Variants in GRM3 observed in about 807,000 individuals in gnomAD.
GRM3 encodes metabotropic glutamate receptor 3.
In GRM3, 26 loss-of-function variants were observed where a neutral mutation model predicts 70.5. That is an observed-to-expected ratio of 0.37 (90% CI 0.27 to 0.51). The LOEUF (loss-of-function observed/expected upper bound fraction) is 0.51. Among genes scored for constraint, GRM3 ranks in the 20% least tolerant of loss-of-function variants. The pLI is 0.93. For synonymous variants in GRM3, 443 were observed against 434.9 expected (o/e 1.02, Z -0.23); for missense variants, 859 against 1,123.8 (o/e 0.76, Z 3.37).
At chr7:86,645,980 T>TGGGTGGG (rs1562811178) in intron 1 of GRM3, among the ~76,000 whole-genome samples, 2 of 50,178 alleles carry the variant, frequency 4.0e-5, no homozygotes, top group African/African-American at 1.9e-4. Context: ...TTCTTTGTGG[T>TGGGTGGG]GGGCGGGGGG....
intron 1 of GRM3, among the ~76,000 whole-genome samples, chr7:86,707,653 G>C (rs1048309816): frequency 3.3e-5 from 5 of 152,088 alleles, no homozygotes; most frequent in Admixed American, 1.3e-4. Flanking sequence ...CCTGGCAGAT[G>C]CATGTGCTAT....
At chr7:86,801,114 C>G (rs1346336532) in intron 3 of GRM3, among the ~76,000 whole-genome samples, 4 of 148,850 alleles carry the variant, frequency 2.7e-5, no homozygotes, top group Non-Finnish European at 5.9e-5. Flanking sequence ...CCTGCCACCC[C>G]AACTGGAGTG....
intron 1 of GRM3, among the ~76,000 whole-genome samples, chr7:86,708,529 C>T (rs1471288831): frequency 2.4e-4 from 36 of 152,152 alleles, no homozygotes. Flanking sequence ...GCGTTGACAA[C>T]AACTACTGAA....
intron 2 of GRM3, among the ~76,000 whole-genome samples, chr7:86,766,121 A>C (rs1372326623): frequency 6.6e-6 from 1 of 152,148 alleles, no homozygotes; most frequent in African/African-American, 2.4e-5. Flanking sequence ...ACAGGGCTCA[A>C]TCCAGAGTGA....
chr7:86,735,607 G>C (rs1461498847), intron 1 of GRM3, among the ~76,000 whole-genome samples: 2 of 152,104 alleles, frequency 1.3e-5, no homozygotes, highest in African/African-American at 4.8e-5. Context: ...TAACAACTCT[G>C]TAAAGTGGGT....
At chr7:86,766,478 C>A (rs973977979) in intron 2 of GRM3, among the ~76,000 whole-genome samples, 1 of 151,306 alleles carries the variant, frequency 6.6e-6, no homozygotes, top group African/African-American at 2.4e-5. Context: ...AATATACATA[C>A]TCTTGCAATC....
At chr7:86,737,847 A>G (rs1795900424) in intron 1 of GRM3, among the ~76,000 whole-genome samples, 1 of 152,206 alleles carries the variant, frequency 6.6e-6, no homozygotes, top group Non-Finnish European at 1.5e-5. Flanking sequence ...ATAATGAAAC[A>G]TCCCAGCTAT....
chr7:86,678,564 A>C (rs549342741), intron 1 of GRM3, among the ~76,000 whole-genome samples: 1 of 152,048 alleles, frequency 6.6e-6, no homozygotes, highest in Non-Finnish European at 1.5e-5. Flanking sequence ...TCTAAGCCCA[A>C]GGGATTTATA....
intron 1 of GRM3, among the ~76,000 whole-genome samples, chr7:86,710,914 G>C (rs1216478270): frequency 6.6e-6 from 1 of 152,026 alleles, no homozygotes; most frequent in Admixed American, 6.6e-5. Context: ...AAGGGTGCCT[G>C]AAGTCACAGT....
intron 1 of GRM3, among the ~76,000 whole-genome samples, chr7:86,760,910 G>T (rs562546448): frequency 6.6e-6 from 1 of 151,924 alleles, no homozygotes; most frequent in East Asian, 1.9e-4. Context: ...TTATTTTTAT[G>T]GTCTGCATAT....
chr7:86,680,674 G>T (rs1402716432), intron 1 of GRM3, among the ~76,000 whole-genome samples: 2 of 152,224 alleles, frequency 1.3e-5, no homozygotes, highest in Non-Finnish European at 2.9e-5. Flanking sequence ...CTAAATGATT[G>T]CAGGGGAAGA....
At chr7:86,809,832 T>C (rs79845214) in intron 3 of GRM3, among the ~76,000 whole-genome samples, 3 of 151,924 alleles carry the variant, frequency 2.0e-5, no homozygotes, top group Non-Finnish European at 4.4e-5. Context: ...AAATTATCTG[T>C]TTGGTACTTT....
At chr7:86,738,084 A>T (rs989215514) in intron 1 of GRM3, among the ~76,000 whole-genome samples, 4 of 152,146 alleles carry the variant, frequency 2.6e-5, no homozygotes, top group African/African-American at 9.7e-5. Context: ...TTGAATGACA[A>T]GGAGAGACAG....
intron 1 of GRM3, among the ~76,000 whole-genome samples, chr7:86,665,442 G>C (rs2115867162): frequency 6.6e-6 from 1 of 152,122 alleles, no homozygotes; most frequent in East Asian, 1.9e-4. Context: ...TTCTACCAAT[G>C]CTAAACCAAA....
At chr7:86,665,470 A>G (rs1242731013) in intron 1 of GRM3, among the ~76,000 whole-genome samples, 3 of 152,104 alleles carry the variant, frequency 2.0e-5, no homozygotes, top group Non-Finnish European at 4.4e-5. Context: ...CTAGAGTAAC[A>G]TCCACTGGCA....
chr7:86,835,481 G>C (rs924128960), intron 3 of GRM3, among the ~76,000 whole-genome samples: 32 of 152,174 alleles, frequency 2.1e-4, no homozygotes, highest in Non-Finnish European at 3.7e-4. Flanking sequence ...TTATAAGAAA[G>C]AGATGGATAG....
intron 1 of GRM3, among the ~76,000 whole-genome samples, chr7:86,683,363 A>G (rs1024146240): frequency 6.6e-6 from 1 of 152,172 alleles, no homozygotes; most frequent in Non-Finnish European, 1.5e-5. Context: ...AGACATGCTG[A>G]CATTAGAGTA....
intron 3 of GRM3, among the ~76,000 whole-genome samples, chr7:86,817,910 A>C (rs1798047151): frequency 1.3e-5 from 2 of 152,048 alleles, no homozygotes; most frequent in Admixed American, 1.3e-4. Context: ...ATCTAGAGGC[A>C]GAAAGAGAAT....
intron 3 of GRM3, among the ~76,000 whole-genome samples, chr7:86,826,042 C>G (rs1038825734): frequency 8.5e-5 from 13 of 152,138 alleles, no homozygotes; most frequent in African/African-American, 2.4e-4. Flanking sequence ...TTCTAGCCAA[C>G]TTTGTTTGGG....
Sources: gnomAD v4.1 joint callset for allele counts (sites outside exome capture counted in the v4.1 genomes callset) on GRCh38, gnomAD v4.1.1 for gene constraint, MANE v1.5 for transcripts, NCBI Gene and HGNC (gene_info 2026-07-23, HGNC 2026-07-21) for gene names.